Variants in CCDC174 observed in about 807,000 individuals in gnomAD.
CCDC174 encodes coiled-coil domain containing 174, also known as coiled-coil domain-containing protein 174.
Under a neutral mutation model 57.1 loss-of-function variants are expected in CCDC174, and 37 were observed. The observed-to-expected ratio is 0.65, with a 90% CI of 0.50 to 0.85. The LOEUF (loss-of-function observed/expected upper bound fraction) is 0.85, where lower values mean the gene tolerates loss of function less well. CCDC174 is among the 40% of genes least tolerant of loss of function. The pLI is 0.00. For missense variants in CCDC174, 540 were observed against 574.3 expected (o/e 0.94, Z 0.61); for synonymous variants, 182 against 190.2 (o/e 0.96, Z 0.35).
chr3:14,662,498 C>G (rs1169302627), intron 5 of CCDC174, among the ~76,000 whole-genome samples: 11 of 152,132 alleles, frequency 7.2e-5, no homozygotes, highest in Non-Finnish European at 1.6e-4. Flanking sequence ...CTTAAAGAGA[C>G]TTTGTATCAA....
rs765388143 is a variant in CCDC174 at position 14,655,638 on chromosome 3, A to T, written c.248+9A>T. The T allele has an allele frequency of 6.4e-7, 1 of 1,561,702 alleles. No homozygotes were observed. Among genetic ancestry groups the T allele is most frequent in the Non-Finnish European group, 8.8e-7 (1 of 1,138,972 alleles). ...ACTTTAGACAAAGCAAGGTAAAGTTATAAGCTCTGGTAAATATAGTTAGCT... is the reference window on the plus strand; with the variant it reads ...ACTTTAGACAAAGCAAGGTAAAGTTTTAAGCTCTGGTAAATATAGTTAGCT... On this transcript the variant is annotated intron_variant, in intron 3 of 10. Transcript: ENST00000383794.
chr3:14,664,470 G>A (rs1412310672), intron 5 of CCDC174, among the ~76,000 whole-genome samples: 1 of 152,206 alleles, frequency 6.6e-6, no homozygotes, highest in Non-Finnish European at 1.5e-5. Flanking sequence ...TCTAGTTTGA[G>A]CAAAGATGAG....
intron 6 of CCDC174, 40 bp from the exon 7 acceptor site, chr3:14,666,765 T>TC: frequency 6.6e-7 from 1 of 1,521,586 alleles, no homozygotes; most frequent in Middle Eastern, 1.8e-4. Context: ...GATATCTCAA[T>TC]CCTTATCTGA....
intron 3 of CCDC174, 30 bp from the exon 4 acceptor site, chr3:14,658,841 T>C: frequency 6.5e-7 from 1 of 1,537,476 alleles, no homozygotes; most frequent in East Asian, 2.4e-5. Flanking sequence ...TATAAGACCA[T>C]TTCTAATACT....
At chr3:14,666,031 C>G (rs1338672239) in intron 6 of CCDC174, among the ~76,000 whole-genome samples, 13 of 99,452 alleles carry the variant, frequency 1.3e-4, no homozygotes, top group Non-Finnish European at 2.3e-4. Flanking sequence ...GAGCGAGACT[C>G]CGTCTCAAAA....
rs1283854432 is a variant in CCDC174, at chr3:14,670,102, T to C, written c.1105+16T>C. On this transcript the variant is annotated intron_variant, in intron 10 of 10. Transcript: ENST00000383794. ...CGCGGAAAAGGTAAGGGAGGTGGGC[T>C]CTGAGGTGTAAGAACTCTCCAGTGA... The C allele has an allele frequency of 5.6e-6, 9 of 1,594,350 alleles. No individual in the cohort carries two copies. Among genetic ancestry groups the C allele is most frequent in the South Asian group, 2.3e-5 (2 of 87,208 alleles).
intron 3 of CCDC174, among the ~76,000 whole-genome samples, chr3:14,656,622 A>T (rs903765812): frequency 1.3e-5 from 2 of 152,160 alleles, no homozygotes; most frequent in African/African-American, 4.8e-5. Context: ...TGCCTCCCCA[A>T]TTTGTAATTA....
intron 9 of CCDC174, among the ~76,000 whole-genome samples, 172 bp from the exon 10 acceptor site, chr3:14,669,762 C>T (rs964743779): frequency 1.4e-4 from 21 of 152,158 alleles, no homozygotes; most frequent in African/African-American, 4.6e-4. Flanking sequence ...AGGATTGTTA[C>T]AAGAATTAAA....
At chr3:14,654,340 A>G in intron 1 of CCDC174, 86 bp from the exon 2 acceptor site, 2 of 733,428 alleles carry the variant, frequency 2.7e-6, no homozygotes, top group South Asian at 3.4e-5. Context: ...GGAACTTGAA[A>G]TATTCCTTTG....
chr3:14,664,691 C>G (rs573730149), intron 5 of CCDC174, among the ~76,000 whole-genome samples: 1 of 152,326 alleles, frequency 6.6e-6, no homozygotes, highest in South Asian at 2.1e-4. Context: ...TATTAAGATA[C>G]TGATAAAATG....
chr3:14,668,999 G>A (rs1164738387), intron 9 of CCDC174, among the ~76,000 whole-genome samples: 2 of 152,210 alleles, frequency 1.3e-5, no homozygotes, highest in African/African-American at 4.8e-5. Flanking sequence ...GACTGGGAAG[G>A]GGAGCCACCT....
At chr3:14,658,784 A>G (rs2031037156) in intron 3 of CCDC174, 87 bp from the exon 4 acceptor site, 3 of 1,391,852 alleles carry the variant, frequency 2.2e-6, no homozygotes, top group Non-Finnish European at 2.9e-6. Flanking sequence ...TCATGGGCAG[A>G]TGGTACCTGT....
chr3:14,663,594 G>C (rs1396446291), intron 5 of CCDC174, among the ~76,000 whole-genome samples: 1 of 152,130 alleles, frequency 6.6e-6, no homozygotes, highest in Non-Finnish European at 1.5e-5. Flanking sequence ...GCCTGCAGGG[G>C]TTGCTCAGTG....
At chr3:14,670,137 G>A (rs758526278) in intron 10 of CCDC174, 51 bp downstream of exon 10, 6 of 1,557,818 alleles carry the variant, frequency 3.9e-6, no homozygotes, top group Non-Finnish European at 5.2e-6. Flanking sequence ...AATGGAAAAT[G>A]GTTTTTTTTC....
Position 14,671,282 on chromosome 3 carries a change from C to A in CCDC174, c.*88C>A. 1.5e-6 allele frequency: 2 copies of A among 1,332,730 alleles called. No individual in the cohort carries two copies. Among genetic ancestry groups the A allele is most frequent in the Non-Finnish European group, 2.1e-6 (2 of 968,686 alleles). 82.6% of individuals were successfully genotyped at this position (1,332,730 alleles called of 1,614,324 possible). On this transcript the variant is annotated 3_prime_UTR_variant, in exon 11 of 11. Transcript: ENST00000383794. Reference sequence around the variant, plus strand: ...AATAACTTTAGGAACTGAATTGTACCTTTGTCCTGTCCTTTCCCTAGGAGG... The same window carrying A: ...AATAACTTTAGGAACTGAATTGTACATTTGTCCTGTCCTTTCCCTAGGAGG...
intron 6 of CCDC174, among the ~76,000 whole-genome samples, chr3:14,666,240 A>G (rs905500862): frequency 6.6e-6 from 1 of 152,136 alleles, no homozygotes; most frequent in African/African-American, 2.4e-5. Context: ...TGGTCAGCCC[A>G]GGACCTGGGT....
intron 5 of CCDC174, among the ~76,000 whole-genome samples, chr3:14,662,236 G>C (rs185169483): frequency 6.9e-4 from 105 of 152,186 alleles, no homozygotes; most frequent in Non-Finnish European, 1.3e-3. Context: ...CTGGCTGTAT[G>C]ATCTTAATCA....
chr3:14,670,006 G>A lies in CCDC174; in HGVS notation c.1025G>A (p.Ser342Asn). ...VPTPRPAAQSSKVEVIVQERK... is the reference protein window; with the variant it reads ...VPTPRPAAQSNKVEVIVQERK... The stretch of plus-strand genomic sequence containing the variant: ...ACCCCACGTCCTGCTGCCCAGAGTA[G>A]CAAAGTAGAAGTCATTGTCCAGGAG... Residue 342 changes from serine to asparagine, a missense_variant, in exon 10 of 11, where the codon AGC becomes AAC. Coordinates refer to ENST00000383794, the MANE Select transcript of CCDC174 (RefSeq NM_016474.5). The A allele has an allele frequency of 6.2e-7, 1 of 1,612,400 alleles. No individual in the cohort carries two copies. The highest frequency in any genetic ancestry group is 8.5e-7 in the Non-Finnish European group (1 of 1,179,586).
At chr3:14,667,885 G>A (rs1308290033) in intron 8 of CCDC174, 164 bp from the exon 9 acceptor site, 1 of 648,686 alleles carries the variant, frequency 1.5e-6, no homozygotes, top group Non-Finnish European at 2.7e-6. Flanking sequence ...GGGTTCATAG[G>A]AGAGTACTTC....
Sources: allele counts gnomAD v4.1 joint callset (sites outside exome capture counted in the v4.1 genomes callset), GRCh38; gene constraint gnomAD v4.1.1; transcripts MANE v1.5; gene names NCBI Gene and HGNC (gene_info 2026-07-23, HGNC 2026-07-21).